The following MCCC2 variants were observed in gnomAD, a reference collection of about 807,000 sequenced individuals.
The protein encoded by MCCC2 is methylcrotonoyl-CoA carboxylase beta chain, mitochondrial.
In MCCC2, 52 loss-of-function variants were observed where a neutral mutation model predicts 77.2. The ratio of observed to expected loss-of-function variants is 0.67; its 90% CI spans 0.54 to 0.85. MCCC2 has a LOEUF of 0.85. MCCC2 is among the 40% of genes least tolerant of loss of function. MCCC2 has a pLI of 0.00. For missense variants in MCCC2, 682 were observed against 703.2 expected (o/e 0.97, Z 0.34); for synonymous variants, 253 against 248.4 (o/e 1.02, Z -0.18).
intron 1 of MCCC2, among the ~76,000 whole-genome samples, chr5:71,591,367 C>G (rs1744969268): frequency 6.6e-6 from 1 of 151,510 alleles, no homozygotes; most frequent in Admixed American, 6.6e-5. Context: ...TTTTCTACTT[C>G]TCACTGTCAA....
Position 71,626,647 on chromosome 5 carries a change from T to C in MCCC2, c.632T>C (p.Val211Ala). 3.1e-6 allele frequency: 5 copies of C among 1,613,722 alleles called. No homozygotes were observed. Among genetic ancestry groups the C allele is most frequent in the Non-Finnish European group, 2.5e-6 (3 of 1,179,676 alleles). The change falls in exon 7 of 17, where the codon GTG becomes GCG. Residue 211 changes from valine (V) to alanine (A), a missense_variant. By Grantham distance (64) the Val-to-Ala change is moderately conservative. Coordinates refer to ENST00000340941, the MANE Select transcript of MCCC2 (RefSeq NM_022132.5). ...CGTGTGCTTGGATTCCAGATCGCAG[T>C]GGTCATGGGCTCCTGCACCGCAGGA... is the stretch of plus-strand genomic sequence containing the variant. ...MSSKNIAQIA[V>A]VMGSCTAGGA...
In MCCC2 at chr5:71,632,113, T is replaced by C. The variant is rs1436914543; in HGVS notation, c.739-8T>C. The C allele has an allele frequency of 1.2e-6, 2 of 1,613,812 alleles. No individual in the cohort carries two copies. Among genetic ancestry groups the C allele is most frequent in the African/African-American group, 2.7e-5 (2 of 74,942 alleles). ...CGATTTCACTGATGATTTTTATCCT[T>C]GTTGTAGGTTAAAGCGGCAACTGGG... On this transcript the variant is annotated splice_region_variant and splice_polypyrimidine_tract_variant and intron_variant, in intron 7 of 16. Coordinates refer to ENST00000340941, the MANE Select transcript of MCCC2 (RefSeq NM_022132.5).
intron 10 of MCCC2, among the ~76,000 whole-genome samples, chr5:71,639,921 C>T (rs1467790696): frequency 1.3e-5 from 2 of 152,178 alleles, no homozygotes; most frequent in East Asian, 3.8e-4. Flanking sequence ...GAAGCATTCA[C>T]TCAGTTTTCA....
At position 71,600,656 on chromosome 5, in the gene MCCC2, T is replaced by G. The variant is rs548520821; in HGVS notation, c.383+896T>G. On this transcript the variant is annotated intron_variant, in intron 4 of 16. Coordinates refer to ENST00000340941, the MANE Select transcript of MCCC2 (RefSeq NM_022132.5). ...TGAATGGTTTATATCATCACTACTCTTTCTCTGACAAATGACAGATGAGCT... is the reference window on the plus strand; with the variant it reads ...TGAATGGTTTATATCATCACTACTCGTTCTCTGACAAATGACAGATGAGCT... 9.7e-4 allele frequency among the ~76,000 whole-genome samples: 148 copies of G among 152,334 alleles called. 2 individuals carry two copies. Among genetic ancestry groups the G allele is most frequent in the African/African-American group, 3.0e-3 (123 of 41,584 alleles).
chr5:71,614,094 T>A (rs1184778742), intron 6 of MCCC2, among the ~76,000 whole-genome samples: 1 of 151,864 alleles, frequency 6.6e-6, no homozygotes, highest in African/African-American at 2.4e-5. Flanking sequence ...CCTTTATTTT[T>A]TTCTATTTCC....
chr5:71,616,746 T>C (rs774156088), intron 6 of MCCC2, among the ~76,000 whole-genome samples: 1 of 152,192 alleles, frequency 6.6e-6, no homozygotes, highest in Non-Finnish European at 1.5e-5. Flanking sequence ...GTCAAAAATA[T>C]ACATCTTTGA....
intron 6 of MCCC2, among the ~76,000 whole-genome samples, chr5:71,609,413 C>T (rs1745824650): frequency 1.3e-5 from 2 of 151,328 alleles, no homozygotes; most frequent in Admixed American, 1.3e-4. Flanking sequence ...TGGTTTTCAG[C>T]TCCATCAGCT....
chr5:71,622,663 CAT>C (rs1289329790), intron 6 of MCCC2, among the ~76,000 whole-genome samples: 7 of 152,302 alleles, frequency 4.6e-5, no homozygotes, highest in Non-Finnish European at 8.8e-5. Flanking sequence ...TAAAGGGAAT[CAT>C]ATGATAAGTA....
intron 8 of MCCC2, 59 bp downstream of exon 8, chr5:71,632,244 A>G: frequency 1.3e-6 from 2 of 1,573,230 alleles, no homozygotes; most frequent in East Asian, 2.2e-5. Flanking sequence ...TGTTTGTTTA[A>G]AAGAAGTTTT....
intron 6 of MCCC2, among the ~76,000 whole-genome samples, chr5:71,622,018 A>G (rs1746366370): frequency 6.6e-6 from 1 of 152,108 alleles, no homozygotes; most frequent in Non-Finnish European, 1.5e-5. Context: ...GTGGTGCCTC[A>G]TGCCTGTAAT....
chr5:71,596,240 C>A (rs369034221), intron 2 of MCCC2, 40 bp from the exon 3 acceptor site: 13 of 1,556,962 alleles, frequency 8.3e-6, no homozygotes, highest in Non-Finnish European at 1.2e-5. Flanking sequence ...ACCTTTTTAT[C>A]GTGTCAATCT....
At chr5:71,599,607 A>G (rs1285145574) in intron 3 of MCCC2, 52 bp from the exon 4 acceptor site, 6 of 1,387,742 alleles carry the variant, frequency 4.3e-6, no homozygotes, top group East Asian at 4.6e-5. Flanking sequence ...AACTGTTTAA[A>G]TGTGTAGTTT....
At chr5:71,647,280 G>T (rs1747296561) in intron 13 of MCCC2, among the ~76,000 whole-genome samples, 1 of 152,138 alleles carries the variant, frequency 6.6e-6, no homozygotes, top group African/African-American at 2.4e-5. Context: ...CAGTCAACAG[G>T]GCTTGAAATA....
At chr5:71,638,911 T>C (rs1747025499) in intron 10 of MCCC2, among the ~76,000 whole-genome samples, 1 of 152,198 alleles carries the variant, frequency 6.6e-6, no homozygotes, top group Non-Finnish European at 1.5e-5. Flanking sequence ...ACAGCAGGCA[T>C]GAAAAGAACA....
chr5:71,611,118 T>C (rs1018643113), intron 6 of MCCC2, among the ~76,000 whole-genome samples: 1 of 150,274 alleles, frequency 6.7e-6, no homozygotes, highest in Non-Finnish European at 1.5e-5. Flanking sequence ...GAATAATTCA[T>C]GGCCAGGCAC....
At chr5:71,631,944 A>T (rs756058523) in intron 7 of MCCC2, among the ~76,000 whole-genome samples, 177 bp from the exon 8 acceptor site, 1 of 152,212 alleles carries the variant, frequency 6.6e-6, no homozygotes, top group Admixed American at 6.5e-5. Flanking sequence ...TTCACCTGTA[A>T]GAGTAAAGAT....
chr5:71,599,744 A>G lies in MCCC2; in HGVS notation c.367A>G (p.Ile123Val). ...GCCAGGAGGTGGCATTATTACAGGC[A>G]TTGGAAGAGTATCAGGGTGAGTATT... is the stretch of plus-strand genomic sequence containing the variant. ...EVPGGGIITG[I>V]GRVSGVECMI... The change falls in exon 4 of 17, where the codon ATT becomes GTT. Residue 123 changes from isoleucine (I) to valine (V), a missense_variant. By Grantham distance (29) the Ile-to-Val change is conservative. Transcript: ENST00000340941. 6.2e-7 allele frequency: 1 copy of G among 1,613,948 alleles called. No homozygotes were observed. The highest frequency in any genetic ancestry group is 8.5e-7 in the Non-Finnish European group (1 of 1,179,766).
At chr5:71,637,964 G>T (rs456938) in intron 10 of MCCC2, among the ~76,000 whole-genome samples, 1 of 151,694 alleles carries the variant, frequency 6.6e-6, no homozygotes, top group African/African-American at 2.4e-5. Flanking sequence ...TGCCCGCCTC[G>T]GCCTCCCAAA....
At chr5:71,654,186 G>A (rs1345561670) in intron 16 of MCCC2, among the ~76,000 whole-genome samples, 2 of 152,058 alleles carry the variant, frequency 1.3e-5, no homozygotes, top group Admixed American at 1.3e-4. Context: ...TTGTAGAGAT[G>A]GGGTTTCACC....
Sources: gnomAD v4.1 joint callset for allele counts (sites outside exome capture counted in the v4.1 genomes callset) on GRCh38, gnomAD v4.1.1 for gene constraint, MANE v1.5 for transcripts, NCBI Gene and HGNC (gene_info 2026-07-23, HGNC 2026-07-21) for gene names.